The following OR3A1 variants were observed in gnomAD, a reference collection of about 807,000 sequenced individuals.
OR3A1 encodes olfactory receptor family 3 subfamily A member 1, also known as olfactory receptor 3A1.
For missense variants in OR3A1, 402 were observed against 393.8 expected (o/e 1.02, Z -0.18); for synonymous variants, 145 against 160.0 (o/e 0.91, Z 0.71).
chr17:3,293,333 A>C (rs558218223), intron 1 of OR3A1, among the ~76,000 whole-genome samples: 4 of 152,278 alleles, frequency 2.6e-5, no homozygotes, highest in Non-Finnish European at 5.9e-5. Flanking sequence ...CTATAGATAA[A>C]GCATAAAACT....
intron 1 of OR3A1, among the ~76,000 whole-genome samples, chr17:3,295,040 G>C (rs73977628): frequency 6.6e-6 from 1 of 151,906 alleles, no homozygotes; most frequent in African/African-American, 2.4e-5. Context: ...CTATAAACTG[G>C]TGGTTAATAT....
In OR3A1 at chr17:3,292,439, G is replaced by C; in HGVS notation, c.144C>G (p.Ile48Met). ...YLVTVRGNLS[I>M]LAAVLVEPKL... The stretch of plus-strand genomic sequence containing the variant: ...TGGGCTCCACCAAGACAGCTGCCAG[G>C]ATGCTGAGGTTGCCCCTGACCGTGA... The change falls in exon 2 of 2, where the codon ATC (isoleucine) becomes ATG (methionine). Residue 48 changes from isoleucine to methionine, a missense_variant. Ile to Met is a conservative substitution (Grantham distance 10). Coordinates refer to ENST00000323404, the MANE Select transcript of OR3A1 (RefSeq NM_002550.3). The C allele has an allele frequency of 6.2e-7, 1 of 1,613,920 alleles. No individual in the cohort carries two copies. Among genetic ancestry groups the C allele is most frequent in the Non-Finnish European group, 8.5e-7 (1 of 1,179,982 alleles).
rs201085407 is a variant in OR3A1 at position 3,291,948 on chromosome 17, G to T, written c.635C>A (p.Thr212Asn). The change falls in exon 2 of 2, where the codon ACC (threonine) becomes AAC (asparagine). Residue 212 changes from threonine to asparagine, a missense_variant. By Grantham distance (65) the Thr-to-Asn change is moderately conservative (BLOSUM62 0). Transcript: ENST00000323404. ...LFAVGFIMAG[T>N]PMALIVISYI... is the part of the protein sequence containing the mutation. ...GGAGATGACAATGAGAGCCATGGGGGTACCTGCCATTATAAAACCCACAGC... is the reference window on the plus strand; with the variant it reads ...GGAGATGACAATGAGAGCCATGGGGTTACCTGCCATTATAAAACCCACAGC... The T allele has an allele frequency of 2.5e-6, 4 of 1,614,218 alleles. No individual in the cohort carries two copies. In the South Asian group the frequency reaches 3.3e-5, roughly 13 times the overall value.
At chr17:3,294,025 TG>T (rs2048899575) in intron 1 of OR3A1, among the ~76,000 whole-genome samples, 1 of 152,090 alleles carries the variant, frequency 6.6e-6, no homozygotes, top group African/African-American at 2.4e-5. Context: ...ACCTAGGTGA[TG>T]GGGTGATAGG....
Position 3,291,431 on chromosome 17 carries a change from G to C in OR3A1, c.*204C>G. On this transcript the variant is annotated 3_prime_UTR_variant, in exon 2 of 2. Coordinates refer to ENST00000323404, the MANE Select transcript of OR3A1 (RefSeq NM_002550.3). ...TGCCTGAAGCTGAATTTGTCTAAGG[G>C]GCTGGCTTGGCAGATCCTATACACT... 1 of 476,560 alleles carries C rather than the reference G, an allele frequency of 2.1e-6. No homozygotes were observed. The highest frequency in any genetic ancestry group is 3.7e-6 in the Non-Finnish European group (1 of 272,946). The allele number at this position is 476,560 out of a possible 1,614,324, so 29.5% of individuals were successfully genotyped here.
chr17:3,293,372 A>G (rs2150622738), intron 1 of OR3A1, among the ~76,000 whole-genome samples: 1 of 152,300 alleles, frequency 6.6e-6, no homozygotes, highest in South Asian at 2.1e-4. Flanking sequence ...AAAATACATC[A>G]GTTCTAACAG....
rs749925251 is a variant in OR3A1 at position 3,292,261 on chromosome 17, GGAA to G, written c.319_321del (p.Phe107del). On this transcript the variant is annotated inframe_deletion, in exon 2 of 2. Transcript: ENST00000323404. ...AAGCAGTCCACTCCAACGAACAGAT[GGAA>G]GAAGAAGAGCTGGGTAAGGCAGGCC... 14 of 1,614,050 alleles carry G rather than the reference GGAA, an allele frequency of 8.7e-6. No individual in the cohort carries two copies. The highest frequency in any genetic ancestry group is 6.7e-5 in the East Asian group (3 of 44,886).
Position 3,292,543 on chromosome 17 carries a change from C to T in OR3A1, c.40G>A (p.Glu14Lys), listed in dbSNP as rs1457460746. Residue 14 changes from glutamate (E) to lysine (K), a missense_variant, in exon 2 of 2, where the codon GAG (glutamate) becomes AAG (lysine). Physicochemically the swap from Glu to Lys is moderately conservative, Grantham distance 56. Transcript: ENST00000323404. ...TCCAGCAAGCCCAGCAGGATGAACTCAGCAATGACTGTTCCATTGGCCCCA... is the reference window on the plus strand; with the variant it reads ...TCCAGCAAGCCCAGCAGGATGAACTTAGCAATGACTGTTCCATTGGCCCCA... ...ESGANGTVIA[E>K]FILLGLLEAP... The T allele has an allele frequency of 6.2e-7, 1 of 1,613,592 alleles. No individual in the cohort carries two copies. Among genetic ancestry groups the T allele is most frequent in the Non-Finnish European group, 8.5e-7 (1 of 1,179,710 alleles).
chr17:3,293,166 A>AG (rs1555525058), intron 1 of OR3A1, among the ~76,000 whole-genome samples: 1 of 150,834 alleles, frequency 6.6e-6, no homozygotes, highest in East Asian at 2.0e-4. Context: ...AAAAAAAAAA[A>AG]GGGTGGGTAG....
At chr17:3,298,223 G>A (rs2048935493) in intron 1 of OR3A1, 60 bp downstream of exon 1, 1 of 152,148 alleles carries the variant, frequency 6.6e-6, no homozygotes, top group Admixed American at 6.5e-5. Context: ...ACTGGTCTAT[G>A]TTTCCAAGAA....
At chr17:3,295,884 A>G (rs1024145469) in intron 1 of OR3A1, among the ~76,000 whole-genome samples, 1 of 152,204 alleles carries the variant, frequency 6.6e-6, no homozygotes, top group Non-Finnish European at 1.5e-5. Context: ...CGAATGTCCT[A>G]AGTATATAGC....
chr17:3,295,182 G>T (rs772624061), intron 1 of OR3A1, among the ~76,000 whole-genome samples: 1 of 152,078 alleles, frequency 6.6e-6, no homozygotes, highest in Non-Finnish European at 1.5e-5. Context: ...ATAGGAGGAC[G>T]TATGTGTTGA....
chr17:3,295,523 A>T lies in OR3A1; in HGVS notation c.-7+2760T>A, dbSNP rs539665755. ...AAACAAAGACAAATGTAGCCCTTAC[A>T]GTGAAAGGCTATTTCAAAACAATAA... On this transcript the variant is annotated intron_variant, in intron 1 of 1. Transcript: ENST00000323404. Among the ~76,000 whole-genome samples, 262 of 152,256 alleles carry T rather than the reference A, an allele frequency of 1.7e-3. 2 individuals carry two copies. Among genetic ancestry groups the T allele is most frequent in the African/African-American group, 5.7e-3 (238 of 41,574 alleles).
At chr17:3,294,801 G>A (rs546031682) in intron 1 of OR3A1, among the ~76,000 whole-genome samples, 2 of 152,072 alleles carry the variant, frequency 1.3e-5, no homozygotes, top group African/African-American at 2.4e-5. Flanking sequence ...TGCAGTCTCC[G>A]GGGGAAGAAA....
Position 3,292,127 on chromosome 17 carries a change from C to T in OR3A1, c.456G>A (p.Trp152Ter). 1 of 1,614,088 alleles carries T rather than the reference C, an allele frequency of 6.2e-7. No homozygotes were observed. The highest frequency in any genetic ancestry group is 8.5e-7 in the Non-Finnish European group (1 of 1,180,020). Residue 152 changes from tryptophan to a stop codon, truncating the protein, a stop_gained, in exon 2 of 2, where the codon TGG becomes TGA. Transcript: ENST00000323404. LOFTEE classifies it low-confidence loss of function (END_TRUNC). ...TCAGTGCGTTGGTGAAAGCACAAGCCCAGGACGCAGCCACCAACATCCTCT... is the reference window on the plus strand; with the variant it reads ...TCAGTGCGTTGGTGAAAGCACAAGCTCAGGACGCAGCCACCAACATCCTCT... ...TVQRMLVAAS[W>*]ACAFTNALTH...
At chr17:3,295,880 T>C (rs1488815394) in intron 1 of OR3A1, among the ~76,000 whole-genome samples, 2 of 152,260 alleles carry the variant, frequency 1.3e-5, no homozygotes, top group East Asian at 1.9e-4. Context: ...AAAACGAATG[T>C]CCTAAGTATA....
intron 1 of OR3A1, among the ~76,000 whole-genome samples, chr17:3,293,258 C>T (rs1302449900): frequency 6.6e-6 from 1 of 151,876 alleles, no homozygotes; most frequent in Non-Finnish European, 1.5e-5. Flanking sequence ...CACCATAATC[C>T]TCTGTGACCC....
intron 1 of OR3A1, among the ~76,000 whole-genome samples, chr17:3,293,660 A>G (rs2048895829): frequency 6.6e-6 from 1 of 152,212 alleles, no homozygotes; most frequent in African/African-American, 2.4e-5. Context: ...GAATGTTGCC[A>G]ATGAACATAT....
chr17:3,292,656 A>G, intron 1 of OR3A1, 68 bp from the exon 2 acceptor site: 1 of 1,336,306 alleles, frequency 7.5e-7, no homozygotes, highest in Non-Finnish European at 1.0e-6. Flanking sequence ...AAGAAAAAGA[A>G]ACAGACCCCC....
Sources: allele counts gnomAD v4.1 joint callset (sites outside exome capture counted in the v4.1 genomes callset), GRCh38; gene constraint gnomAD v4.1.1; transcripts MANE v1.5; gene names NCBI Gene and HGNC (gene_info 2026-07-23, HGNC 2026-07-21).